The following GLCE variants were observed in gnomAD, a reference collection of about 807,000 sequenced individuals.
GLCE encodes the protein D-glucuronyl C5-epimerase.
In GLCE, 19 loss-of-function variants were observed where a neutral mutation model predicts 47.9. That is an observed-to-expected ratio of 0.40 (90% CI 0.28 to 0.58). The LOEUF (loss-of-function observed/expected upper bound fraction) is 0.58. GLCE is among the 20% of genes least tolerant of loss of function. The pLI is 0.48. For missense variants in GLCE, 556 were observed against 743.3 expected (o/e 0.75, Z 2.93); for synonymous variants, 245 against 263.4 (o/e 0.93, Z 0.68).
rs1218109426 is a variant in GLCE at position 69,268,396 on chromosome 15, GAT to G, written c.1012_1013del (p.Tyr338LeufsTer19). The G allele has an allele frequency of 7.4e-6, 12 of 1,613,958 alleles. No individual in the cohort carries two copies. ...NAQLIAFKER[D>X]IYYGIGPRTS... ...TCAGCTAATTGCTTTTAAAGAAAGA[GAT>G]ATATACTATGGCATTGGGCCCAGAA... On this transcript the variant is annotated frameshift_variant, in exon 5 of 5. Transcript: ENST00000261858. LOFTEE classifies it high-confidence loss of function.
chr15:69,248,532 G>C (rs11634272), intron 2 of GLCE, among the ~76,000 whole-genome samples: 105,582 of 151,970 alleles, frequency 0.69, 37,730 homozygotes, highest in Admixed American at 0.77. Context: ...TTGCTTGCTT[G>C]CTTTCAAGAA....
At chr15:69,267,461 C>A (rs1307208888) in intron 4 of GLCE, among the ~76,000 whole-genome samples, 2 of 152,228 alleles carry the variant, frequency 1.3e-5, no homozygotes, top group Non-Finnish European at 2.9e-5. Context: ...CCCTGTCACT[C>A]CACCATTCTC....
chr15:69,252,195 G>A (rs1336165375), intron 2 of GLCE, among the ~76,000 whole-genome samples: 1 of 152,072 alleles, frequency 6.6e-6, no homozygotes, highest in Non-Finnish European at 1.5e-5. Flanking sequence ...CAACATATTG[G>A]TAGCTGTGTT....
At chr15:69,181,019 A>G (rs1002180633) in intron 1 of GLCE, among the ~76,000 whole-genome samples, 1 of 152,114 alleles carries the variant, frequency 6.6e-6, no homozygotes, top group African/African-American at 2.4e-5. Flanking sequence ...TGACATTTTG[A>G]GGTCAACAGG....
chr15:69,167,687 A>G (rs777335949), intron 1 of GLCE, among the ~76,000 whole-genome samples: 1 of 152,214 alleles, frequency 6.6e-6, no homozygotes, highest in Non-Finnish European at 1.5e-5. Context: ...TGAGTAGTAT[A>G]ACTTTAGCAG....
At chr15:69,193,787 G>A (rs2051948039) in intron 1 of GLCE, among the ~76,000 whole-genome samples, 1 of 151,994 alleles carries the variant, frequency 6.6e-6, no homozygotes, top group Non-Finnish European at 1.5e-5. Context: ...CTTCAGTCTA[G>A]TACACGCTTT....
chr15:69,256,373 G>A lies in GLCE; in HGVS notation c.567G>A (p.Lys189=). The change falls in exon 3 of 5, where the codon AAG becomes AAA. Residue 189 remains lysine, a synonymous_variant. Coordinates refer to ENST00000261858, the MANE Select transcript of GLCE (RefSeq NM_015554.3). ...ATGTGGAAGTCCGAGACAGAGTCAA[G>A]TGCATAAGTGGGGTTGAAGGTTGGT... ...GYNVEVRDRV[K]CISGVEGVPL... is the part of the protein sequence containing the mutation. 1 of 1,610,124 alleles carries A rather than the reference G, an allele frequency of 6.2e-7. No individual in the cohort carries two copies. Among genetic ancestry groups the A allele is most frequent in the Non-Finnish European group, 8.5e-7 (1 of 1,177,850 alleles).
At chr15:69,169,578 G>A (rs1046222403) in intron 1 of GLCE, among the ~76,000 whole-genome samples, 4 of 137,930 alleles carry the variant, frequency 2.9e-5, no homozygotes, top group Admixed American at 2.5e-4. Flanking sequence ...TGTGTGTGAT[G>A]TTCCCCTTCC....
intron 2 of GLCE, among the ~76,000 whole-genome samples, chr15:69,234,574 G>A (rs2052569458): frequency 6.6e-6 from 1 of 151,940 alleles, no homozygotes; most frequent in Non-Finnish European, 1.5e-5. Flanking sequence ...AATAATCTTA[G>A]GTAAAATTTC....
chr15:69,187,740 G>A (rs2051845137), intron 1 of GLCE, among the ~76,000 whole-genome samples: 1 of 152,106 alleles, frequency 6.6e-6, no homozygotes, highest in Non-Finnish European at 1.5e-5. Context: ...ATTCTCAAAT[G>A]TTAAACCAAC....
intron 2 of GLCE, among the ~76,000 whole-genome samples, chr15:69,246,593 C>T (rs1595780011): frequency 6.6e-6 from 1 of 151,798 alleles, no homozygotes; most frequent in Admixed American, 6.6e-5. Flanking sequence ...GCACATGCCT[C>T]TAATCCCAGC....
intron 1 of GLCE, among the ~76,000 whole-genome samples, chr15:69,167,872 T>C (rs2051528711): frequency 6.6e-6 from 1 of 151,894 alleles, no homozygotes; most frequent in Non-Finnish European, 1.5e-5. Flanking sequence ...CTTACCTTGC[T>C]TACTTTCCTT....
At chr15:69,165,265 T>C (rs572616935) in intron 1 of GLCE, among the ~76,000 whole-genome samples, 24 of 152,302 alleles carry the variant, frequency 1.6e-4, no homozygotes, top group African/African-American at 5.8e-4. Context: ...GCCCATACTT[T>C]ATCAGCCCAA....
chr15:69,233,065 A>G (rs914830185), intron 2 of GLCE, among the ~76,000 whole-genome samples: 9 of 152,210 alleles, frequency 5.9e-5, no homozygotes, highest in Non-Finnish European at 1.3e-4. Context: ...TAGAATATTC[A>G]TATTTGGGCA....
intron 1 of GLCE, among the ~76,000 whole-genome samples, chr15:69,175,723 G>C (rs891791170): frequency 2.0e-5 from 3 of 152,196 alleles, no homozygotes; most frequent in Non-Finnish European, 4.4e-5. Context: ...TTGCTCAGGG[G>C]AAGTTTGGGT....
At chr15:69,247,803 G>C (rs1184345145) in intron 2 of GLCE, among the ~76,000 whole-genome samples, 1 of 152,148 alleles carries the variant, frequency 6.6e-6, no homozygotes, top group African/African-American at 2.4e-5. Flanking sequence ...TCGGGGAACA[G>C]CTGGTCATTG....
chr15:69,215,689 A>G (rs8041410), intron 2 of GLCE, among the ~76,000 whole-genome samples: 151,458 of 152,288 alleles, frequency 0.99, 75,323 homozygotes, highest in East Asian at 1. Context: ...CTAAGTGAAT[A>G]TACAATTTTG....
intron 2 of GLCE, among the ~76,000 whole-genome samples, chr15:69,222,852 C>G (rs373835813): frequency 1.3e-5 from 2 of 152,094 alleles, no homozygotes; most frequent in Non-Finnish European, 2.9e-5. Flanking sequence ...ATTTCACATT[C>G]CTGTTTGTGT....
Position 69,261,069 on chromosome 15 carries a change from T to C in GLCE, c.587-18T>C. On this transcript the variant is annotated intron_variant, in intron 3 of 4. Transcript: ENST00000261858. ...AATGTCTGGATATGATTATTCATTT[T>C]GTTTCTCTATTTTATAGGTGTGCCA... The C allele has an allele frequency of 6.2e-7, 1 of 1,604,574 alleles. No homozygotes were observed. Among genetic ancestry groups the C allele is most frequent in the Non-Finnish European group, 8.5e-7 (1 of 1,172,802 alleles).
Sources: gnomAD v4.1 joint callset for allele counts (sites outside exome capture counted in the v4.1 genomes callset) on GRCh38, gnomAD v4.1.1 for gene constraint, MANE v1.5 for transcripts, NCBI Gene and HGNC (gene_info 2026-07-23, HGNC 2026-07-21) for gene names.